The following JAK3 variants were observed in gnomAD, a reference collection of about 807,000 sequenced individuals.
JAK3 encodes the protein tyrosine-protein kinase JAK3.
In JAK3, 88 loss-of-function variants were observed where a neutral mutation model predicts 120.8. The ratio of observed to expected loss-of-function variants is 0.73; its 90% CI spans 0.61 to 0.87. JAK3 has a LOEUF of 0.87. JAK3 is among the 40% of genes least tolerant of loss of function. JAK3 has a pLI of 0.00. For missense variants in JAK3, 1,254 were observed against 1,501.4 expected, an observed-to-expected ratio of 0.84 and a Z score of 2.72; for synonymous variants, 592 against 628.6, an observed-to-expected ratio of 0.94 and a Z score of 0.87.
rs1045342635 is a variant in JAK3 at position 17,843,565 on chromosome 19, G to A, written c.309-74C>T. On this transcript the variant is annotated intron_variant, in intron 3 of 23. Transcript: ENST00000458235. This position sits in a 1 kb window ranked among gnomAD's most constrained non-coding sequence, Gnocchi z 5.4. The stretch of plus-strand genomic sequence containing the variant: ...GTAGGAGTGACATTATGGTGGGGGC[G>A]AGGGACAGATTCTGCGGAGGCCTCA... 2.3e-5 allele frequency: 28 copies of A among 1,236,304 alleles called. No homozygotes were observed. In the African/African-American group the frequency reaches 2.8e-4, roughly 12 times the overall value. The allele number at this position is 1,236,304 out of a possible 1,614,324, so 76.6% of individuals were successfully genotyped here.
intron 10 of JAK3, chr19:17,839,136 G>A (rs1214317535): frequency 2.3e-6 from 1 of 428,024 alleles, no homozygotes; most frequent in South Asian, 1.9e-5. Flanking sequence ...GGACAACCAG[G>A]GATCGGTTCT....
intron 13 of JAK3, 62 bp downstream of exon 13, chr19:17,837,067 T>C (rs1354593327): frequency 2.0e-6 from 2 of 1,024,736 alleles, no homozygotes; most frequent in East Asian, 4.1e-5. Context: ...AGAACAGAGG[T>C]GGGAAGAACA....
rs368885044 is a variant in JAK3 at position 17,840,816 on chromosome 19, A to ATTGT, written c.1143-479_1143-476dup. On this transcript the variant is annotated intron_variant, in intron 8 of 23. Coordinates refer to ENST00000458235, the MANE Select transcript of JAK3 (RefSeq NM_000215.4). Reference sequence around the variant, plus strand: ...CGTAAGTCTTGGCCTCTTCTGGGAGATTGTTTGTTTGTTTGTTTGTTTTAA... The same window carrying ATTGT: ...CGTAAGTCTTGGCCTCTTCTGGGAGATTGTTTGTTTGTTTGTTTGTTTGTTTTAA... Among the ~76,000 whole-genome samples, 1,408 of 150,562 alleles carry ATTGT rather than the reference A, an allele frequency of 9.4e-3. 10 individuals carry two copies. The highest frequency in any genetic ancestry group is 0.027 in the African/African-American group (1,109 of 40,934).
chr19:17,842,039 C>T lies in JAK3; in HGVS notation c.861+277G>A, dbSNP rs966967918. On this transcript the variant is annotated intron_variant, in intron 6 of 23. Coordinates refer to ENST00000458235, the MANE Select transcript of JAK3 (RefSeq NM_000215.4). This position sits in a 1 kb window ranked among gnomAD's most constrained non-coding sequence, Gnocchi z 6.4. ...CGCAGCCTCCCAGCTCTCGGAGCCT[C>T]ACTCTGCCTCTTAGTCTTGCCTCGT... Among the ~76,000 whole-genome samples, 1 of 151,930 alleles carries T rather than the reference C, an allele frequency of 6.6e-6. No individual in the cohort carries two copies. The highest frequency in any genetic ancestry group is 6.6e-5 in the Admixed American group (1 of 15,258).
chr19:17,826,585 C>T lies in JAK3; in HGVS notation c.*158G>A. On this transcript the variant is annotated 3_prime_UTR_variant, in exon 24 of 24. Coordinates refer to ENST00000458235, the MANE Select transcript of JAK3 (RefSeq NM_000215.4). ...CAAATTGCAAAGGCCACAGGCTATTCTACAGGCCACGGGAGCCCCCCCAAA... is the reference window on the plus strand; with the variant it reads ...CAAATTGCAAAGGCCACAGGCTATTTTACAGGCCACGGGAGCCCCCCCAAA... 1 of 800,256 alleles carries T rather than the reference C, an allele frequency of 1.2e-6. No homozygotes were observed. The highest frequency in any genetic ancestry group is 1.9e-5 in the Admixed American group (1 of 52,560). The allele number at this position is 800,256 out of a possible 1,614,324, so 49.6% of individuals were successfully genotyped here.
intron 1 of JAK3, among the ~76,000 whole-genome samples, chr19:17,846,973 C>T (rs1599884262): frequency 6.6e-6 from 1 of 152,136 alleles, no homozygotes; most frequent in East Asian, 1.9e-4. Flanking sequence ...TCTCGGCTCA[C>T]TGCAAACTCC....
In JAK3 at chr19:17,841,860, C is replaced by G; in HGVS notation, c.862-98G>C. ...CAAGCCACACCATCCACTCCCTATC[C>G]CTTTGCCATTCAACCCTTCCAAGCC... On this transcript the variant is annotated intron_variant, in intron 6 of 23. Coordinates refer to ENST00000458235, the MANE Select transcript of JAK3 (RefSeq NM_000215.4). This position sits in a 1 kb window ranked among gnomAD's most constrained non-coding sequence, Gnocchi z 4.1. 1 of 1,550,916 alleles carries G rather than the reference C, an allele frequency of 6.4e-7. No individual in the cohort carries two copies. Among genetic ancestry groups the G allele is most frequent in the Non-Finnish European group, 8.7e-7 (1 of 1,143,082 alleles).
Position 17,835,114 on chromosome 19 carries a change from A to G in JAK3, c.2016T>C (p.Pro672=), listed in dbSNP as rs200250579. The part of the protein sequence containing the change: ...GSPPFIKLSD[P]GVSPAVLSLE... ...GGCTTAACACAGCGGGGCTGACCCC[A>G]GGGTCACTCAGCTTGATGAAGGGCG... The change falls in exon 15 of 24, where the codon CCT becomes CCC. Residue 672 remains proline, a synonymous_variant. Transcript: ENST00000458235. 3.7e-6 allele frequency: 6 copies of G among 1,614,172 alleles called. No homozygotes were observed. Among genetic ancestry groups the G allele is most frequent in the East Asian group, 2.2e-5 (1 of 44,864 alleles).
At position 17,831,726 on chromosome 19, in the gene JAK3, C is replaced by G. The variant is rs753577833; in HGVS notation, c.2753G>C (p.Arg918Pro). 2.3e-5 allele frequency: 37 copies of G among 1,611,896 alleles called. No homozygotes were observed. In the South Asian group the frequency reaches 3.0e-4, roughly 13 times the overall value. Residue 918 changes from arginine to proline, a missense_variant, in exon 20 of 24, where the codon CGC becomes CCC. By Grantham distance (103) the Arg-to-Pro change is moderately radical. This residue lies in a region of JAK3 where 630 missense variants were observed against 819.8 expected (regional missense o/e 0.77). Transcript: ENST00000458235. This position sits in a 1 kb window ranked among gnomAD's most constrained non-coding sequence, Gnocchi z 5.1. ...GAGGCGGCTGGCATCGAGGCGCGCG[C>G]GGTGCCGCTGCAGGAAGTCGCGCAA... ...GCLRDFLQRHRARLDASRLLL... is the reference protein window; with the variant it reads ...GCLRDFLQRHPARLDASRLLL...
At chr19:17,844,129 C>A (rs2094246369) in intron 2 of JAK3, 105 bp downstream of exon 2, 1 of 1,331,248 alleles carries the variant, frequency 7.5e-7, no homozygotes, top group African/African-American at 1.5e-5. Flanking sequence ...CCCCCAAAGC[C>A]CCAGCTCCGA....
Position 17,842,729 on chromosome 19 carries a change from GCA to G in JAK3, c.567-121_567-120del, listed in dbSNP as rs1266590581. On this transcript the variant is annotated intron_variant, in intron 5 of 23. Coordinates refer to ENST00000458235, the MANE Select transcript of JAK3 (RefSeq NM_000215.4). The surrounding 1 kb of genome is among the most constrained non-coding windows in gnomAD (Gnocchi z 6.4). Reference sequence around the variant, plus strand: ...GGTGCGGCCCTAGTTGGGGCACCAGGCACACACAGACTCTCATTCAGGGTCAG... The same window carrying G: ...GGTGCGGCCCTAGTTGGGGCACCAGGCACACAGACTCTCATTCAGGGTCAG... The G allele has an allele frequency of 2.8e-6, 3 of 1,076,404 alleles. No homozygotes were observed. The highest frequency in any genetic ancestry group is 3.9e-6 in the Non-Finnish European group (3 of 763,516). The allele number at this position is 1,076,404 out of a possible 1,614,324, so 66.7% of individuals were successfully genotyped here.
In JAK3 at chr19:17,843,942, A is replaced by G; in HGVS notation, c.185-42T>C. 6.2e-7 allele frequency: 1 copy of G among 1,611,342 alleles called. No individual in the cohort carries two copies. The highest frequency in any genetic ancestry group is 8.5e-7 in the Non-Finnish European group (1 of 1,178,836). ...CATCAGCTCCCTCCTGAGTCACCCC[A>G]TCTGTGCCCTTCAGGAGTGCCAGCA... On this transcript the variant is annotated intron_variant, in intron 2 of 23. Transcript: ENST00000458235. The surrounding 1 kb of genome is among the most constrained non-coding windows in gnomAD (Gnocchi z 5.4).
rs1428081698 is a variant in JAK3 at position 17,838,345 on chromosome 19, G to A, written c.1487C>T (p.Thr496Ile). ...GGATTGGGGCTGAACCAAGGATGAT[G>A]TGGGTGGGCTGTGACCTCTCTGGAC... Reference protein sequence around the residue: ...IVVQRGHSPPTSSLVQPQSQY... With the variant: ...IVVQRGHSPPISSLVQPQSQY... The change falls in exon 11 of 24, where the codon ACA becomes ATA. Residue 496 changes from threonine to isoleucine, a missense_variant. Thr to Ile is a moderately conservative substitution (Grantham distance 89). Coordinates refer to ENST00000458235, the MANE Select transcript of JAK3 (RefSeq NM_000215.4). 4 of 1,614,144 alleles carry A rather than the reference G, an allele frequency of 2.5e-6. No homozygotes were observed. The highest frequency in any genetic ancestry group is 2.2e-5 in the South Asian group (2 of 91,076).
At chr19:17,830,449 C>G in intron 22 of JAK3, 54 bp downstream of exon 22, 1 of 1,420,490 alleles carries the variant, frequency 7.0e-7, no homozygotes, top group Non-Finnish European at 9.8e-7. Flanking sequence ...TGGAGATTGG[C>G]CACGAGGGGC....
chr19:17,841,715 G>C lies in JAK3; in HGVS notation c.909C>G (p.Ile303Met). Reference sequence around the variant, plus strand: ...CCGGGCCAACGCGCGGGGCCTGCTTGATGCTAATGTCTACGATTTCTGGAA... The same window carrying C: ...CCGGGCCAACGCGCGGGGCCTGCTTCATGCTAATGTCTACGATTTCTGGAA... Reference protein sequence around the residue: ...CDFPEIVDISIKQAPRVGPAG... With the variant: ...CDFPEIVDISMKQAPRVGPAG... Residue 303 changes from isoleucine (I) to methionine (M), a missense_variant, in exon 7 of 24, where the codon ATC (isoleucine) becomes ATG (methionine). Coordinates refer to ENST00000458235, the MANE Select transcript of JAK3 (RefSeq NM_000215.4). This position sits in a 1 kb window ranked among gnomAD's most constrained non-coding sequence, Gnocchi z 4.1. The C allele has an allele frequency of 1.2e-6, 2 of 1,612,978 alleles. No homozygotes were observed. The highest frequency in any genetic ancestry group is 1.1e-5 in the South Asian group (1 of 91,086).
rs1051282426 is a variant in JAK3 at position 17,842,214 on chromosome 19, G to C, written c.861+102C>G. 28 of 1,263,218 alleles carry C rather than the reference G, an allele frequency of 2.2e-5. No homozygotes were observed. The African/African-American group carries it at 3.2e-4, about 14-fold the overall frequency. 78.3% of individuals were successfully genotyped at this position (1,263,218 alleles called of 1,614,324 possible). A position where few individuals can be genotyped will look rare whatever the true frequency, so the allele number is the denominator to read the frequency against. The stretch of plus-strand genomic sequence containing the variant: ...CATTAAGCCTCGCCCACTTCCCCAA[G>C]TCTTTCGTTTTGGCTCCGCCCCACA... On this transcript the variant is annotated intron_variant, in intron 6 of 23. Transcript: ENST00000458235. This position sits in a 1 kb window ranked among gnomAD's most constrained non-coding sequence, Gnocchi z 6.4.
chr19:17,841,785 A>C lies in JAK3; in HGVS notation c.862-23T>G. 6.2e-7 allele frequency: 1 copy of C among 1,600,386 alleles called. No individual in the cohort carries two copies. Among genetic ancestry groups the C allele is most frequent in the South Asian group, 1.1e-5 (1 of 91,070 alleles). On this transcript the variant is annotated intron_variant, in intron 6 of 23. Transcript: ENST00000458235. This position sits in a 1 kb window ranked among gnomAD's most constrained non-coding sequence, Gnocchi z 4.1. Reference sequence around the variant, plus strand: ...GACCTGGGAAGGAGGGGGAGTACCGAAGTGGGGGCCCAGCTGGACCCCGCC... The same window carrying C: ...GACCTGGGAAGGAGGGGGAGTACCGCAGTGGGGGCCCAGCTGGACCCCGCC...
At position 17,826,661 on chromosome 19, in the gene JAK3, G is replaced by A. The variant is rs935590953; in HGVS notation, c.*82C>T. On this transcript the variant is annotated 3_prime_UTR_variant, in exon 24 of 24. Coordinates refer to ENST00000458235, the MANE Select transcript of JAK3 (RefSeq NM_000215.4). ...AGTAGAGGACCCTCATAAGGCCTCT[G>A]AGGCCCAGAGAGGGGCAGCTCCGGG... 1.3e-6 allele frequency: 2 copies of A among 1,497,914 alleles called. No homozygotes were observed. Among genetic ancestry groups the A allele is most frequent in the East Asian group, 4.5e-5 (2 of 44,336 alleles). 92.8% of individuals were successfully genotyped at this position (1,497,914 alleles called of 1,614,324 possible).
In JAK3 at chr19:17,831,487, C is replaced by T. The variant is rs1041408856; in HGVS notation, c.2806-87G>A. 37 of 1,568,296 alleles carry T rather than the reference C, an allele frequency of 2.4e-5. No individual in the cohort carries two copies. Among genetic ancestry groups the T allele is most frequent in the Non-Finnish European group, 3.0e-5 (35 of 1,155,118 alleles). On this transcript the variant is annotated intron_variant, in intron 20 of 23. Transcript: ENST00000458235. This position sits in a 1 kb window ranked among gnomAD's most constrained non-coding sequence, Gnocchi z 5.1. The stretch of plus-strand genomic sequence containing the variant: ...GCGTGACCTGGCACCCCAACCCAGA[C>T]CCCAACTATAACCCTACCCCCGAGC...
Sources: allele counts gnomAD v4.1 joint callset (sites outside exome capture counted in the v4.1 genomes callset), GRCh38; gene constraint gnomAD v4.1.1; regional missense constraint gnomAD v4.1.1; non-coding constraint Gnocchi (gnomAD v3.1); transcripts MANE v1.5; gene names NCBI Gene and HGNC (gene_info 2026-07-23, HGNC 2026-07-21).